The following KCNMA1 variants were observed in gnomAD, a reference collection of about 807,000 sequenced individuals.
KCNMA1 encodes the protein Calcium-activated potassium channel subunit alpha-1.
Under a neutral mutation model 140.0 loss-of-function variants are expected in KCNMA1, and 29 were observed. The observed-to-expected ratio is 0.21, with a 90% confidence interval of 0.15 to 0.28. The LOEUF (loss-of-function observed/expected upper bound fraction) is 0.28. Ranked by LOEUF, KCNMA1 falls within the 10% of genes least tolerant of loss-of-function variation. KCNMA1 has a pLI of 1.00. For synonymous variants in KCNMA1, 612 were observed against 611.9 expected, an observed-to-expected ratio of 1.00 and a Z score of 0.00; for missense variants, 880 against 1,602.2, an observed-to-expected ratio of 0.55 and a Z score of 7.70.
chr10:77,559,172 G>C (rs7913805), intron 1 of KCNMA1, among the ~76,000 whole-genome samples: 29 of 152,288 alleles, frequency 1.9e-4, no homozygotes, highest in African/African-American at 7.0e-4. Flanking sequence ...TAGGGCAATG[G>C]GGCATACGTC....
chr10:77,132,522 A>AT lies in KCNMA1; in HGVS notation c.809-11475dup, dbSNP rs34605286. On this transcript the variant is annotated intron_variant, in intron 5 of 27. Coordinates refer to ENST00000286628, the MANE Select transcript of KCNMA1 (RefSeq NM_001161352.2). ...GTCTTTTAAGTGTCCAGCAGGTTAA[A>AT]TTTTTTTTTTTTTTTTTTTTGAGAT... Among the ~76,000 whole-genome samples, 994 of 138,418 alleles carry AT rather than the reference A, an allele frequency of 7.2e-3. 4 individuals are homozygous for AT. The highest frequency in any genetic ancestry group is 0.061 in the East Asian group (280 of 4,564). The allele number at this position is 138,418 out of a possible 152,430, so 90.8% of individuals were successfully genotyped here.
rs1422706303 is a variant in KCNMA1, at chr10:77,451,573, C to A, written c.379-47550G>T. 2.6e-5 allele frequency among the ~76,000 whole-genome samples: 4 copies of A among 152,278 alleles called. No homozygotes were observed. The East Asian group carries it at 7.7e-4, about 29-fold the overall frequency. ...TCAGAGGACGAAAGCTCGCTTCCAG[C>A]CTAGGGTGCAAGGACAGCTTCCAAA... On this transcript the variant is annotated intron_variant, in intron 1 of 27. Coordinates refer to ENST00000286628, the MANE Select transcript of KCNMA1 (RefSeq NM_001161352.2).
At chr10:77,219,151 G>A (rs1031547706) in intron 3 of KCNMA1, among the ~76,000 whole-genome samples, 18 of 152,144 alleles carry the variant, frequency 1.2e-4, no homozygotes, top group Non-Finnish European at 2.2e-4. Context: ...CAGAGCTTTT[G>A]CTTCACAGAC....
At chr10:76,946,868 C>T (rs956441462) in intron 22 of KCNMA1, among the ~76,000 whole-genome samples, 8 of 152,198 alleles carry the variant, frequency 5.3e-5, no homozygotes, top group Non-Finnish European at 8.8e-5. Flanking sequence ...TTTCTCTGGG[C>T]TGGCCCTATA....
At chr10:77,270,742 G>A (rs954261254) in intron 2 of KCNMA1, among the ~76,000 whole-genome samples, 3 of 150,888 alleles carry the variant, frequency 2.0e-5, no homozygotes, top group East Asian at 3.9e-4. Context: ...GGCCTGCCTC[G>A]GCCTCCCAAA....
chr10:76,923,023 G>A (rs540241659), intron 23 of KCNMA1, among the ~76,000 whole-genome samples: 12 of 152,120 alleles, frequency 7.9e-5, no homozygotes, highest in African/African-American at 2.4e-4. Flanking sequence ...CATTTTTAGC[G>A]GTACATTTTT....
chr10:77,329,563 T>A (rs182399005), intron 2 of KCNMA1, among the ~76,000 whole-genome samples: 109 of 152,350 alleles, frequency 7.2e-4, no homozygotes, highest in Admixed American at 1.6e-3. Context: ...AAAAGTGTTT[T>A]TGTGTCAACC....
chr10:77,206,890 T>C (rs531258283), intron 3 of KCNMA1, among the ~76,000 whole-genome samples: 1 of 152,292 alleles, frequency 6.6e-6, no homozygotes, highest in South Asian at 2.1e-4. Flanking sequence ...GTGTTTCCTT[T>C]ATCAAACCAT....
chr10:77,121,725 A>C (rs967827895), intron 5 of KCNMA1, among the ~76,000 whole-genome samples: 1 of 152,250 alleles, frequency 6.6e-6, no homozygotes, highest in Non-Finnish European at 1.5e-5. Context: ...ATCAGTGTTT[A>C]GGTGGCAGAA....
chr10:77,179,219 A>G (rs909192742), intron 5 of KCNMA1, among the ~76,000 whole-genome samples: 6 of 152,220 alleles, frequency 3.9e-5, no homozygotes, highest in African/African-American at 1.4e-4. Flanking sequence ...TAAAATGCTC[A>G]TGCTGAGCGA....
At chr10:76,945,866 A>C (rs1332642472) in intron 22 of KCNMA1, among the ~76,000 whole-genome samples, 2 of 152,138 alleles carry the variant, frequency 1.3e-5, no homozygotes, top group Non-Finnish European at 2.9e-5. Flanking sequence ...ATTTGGAAGG[A>C]AAGCACAGGA....
At chr10:77,031,620 C>A (rs564600544) in intron 15 of KCNMA1, among the ~76,000 whole-genome samples, 1 of 152,214 alleles carries the variant, frequency 6.6e-6, no homozygotes, top group African/African-American at 2.4e-5. Flanking sequence ...TTAGATCCTG[C>A]CACAGAGAGT....
chr10:77,238,543 A>G (rs1171048276), intron 3 of KCNMA1, among the ~76,000 whole-genome samples: 2 of 152,200 alleles, frequency 1.3e-5, no homozygotes, highest in Admixed American at 1.3e-4. Context: ...CCTCCCTCCC[A>G]GAGTTTCCTT....
intron 1 of KCNMA1, among the ~76,000 whole-genome samples, chr10:77,537,634 C>T (rs2154554253): frequency 6.6e-6 from 1 of 152,310 alleles, no homozygotes; most frequent in South Asian, 2.1e-4. Context: ...CTCACCAACT[C>T]TCCATCTCCT....
intron 2 of KCNMA1, among the ~76,000 whole-genome samples, chr10:77,345,559 C>T (rs1213180578): frequency 1.3e-5 from 2 of 152,132 alleles, no homozygotes; most frequent in East Asian, 3.8e-4. Context: ...GCCCATCAAC[C>T]CAAGGGGGAC....
intron 11 of KCNMA1, among the ~76,000 whole-genome samples, chr10:77,085,464 G>A (rs1259079008): frequency 2.6e-5 from 4 of 152,104 alleles, no homozygotes; most frequent in South Asian, 2.1e-4. Flanking sequence ...TTGTCCCTAC[G>A]TTCTCATAAG....
At chr10:77,016,162 T>C (rs2091993505) in intron 17 of KCNMA1, among the ~76,000 whole-genome samples, 1 of 152,086 alleles carries the variant, frequency 6.6e-6, no homozygotes, top group Non-Finnish European at 1.5e-5. Context: ...AATGAACTTC[T>C]TCCCAGCCCA....
intron 1 of KCNMA1, chr10:77,636,302 A>C: frequency 7.3e-6 from 11 of 1,496,856 alleles, no homozygotes; most frequent in Non-Finnish European, 9.8e-6. Context: ...TAGGGACACG[A>C]CTACAGACCA....
intron 1 of KCNMA1, among the ~76,000 whole-genome samples, chr10:77,599,923 C>T (rs2082112900): frequency 6.6e-6 from 1 of 152,168 alleles, no homozygotes; most frequent in African/African-American, 2.4e-5. Flanking sequence ...GGGCCAATCT[C>T]CTTCACCTCC....
Sources: allele counts gnomAD v4.1 joint callset (sites outside exome capture counted in the v4.1 genomes callset), GRCh38; gene constraint gnomAD v4.1.1; transcripts MANE v1.5; gene names NCBI Gene and HGNC (gene_info 2026-07-23, HGNC 2026-07-21).